Variants in SYNM observed in about 807,000 individuals in gnomAD.
The protein encoded by SYNM is synemin, also known as desmuslin.
SYNM carries 95 observed loss-of-function variants against 104.0 expected under a neutral mutation model. The observed-to-expected ratio is 0.91, with a 90% CI of 0.77 to 1.08. SYNM has a LOEUF of 1.08. SYNM is among the 50% of genes least tolerant of loss of function. The pLI is 0.00. For synonymous variants in SYNM, 918 were observed against 869.0 expected, an observed-to-expected ratio of 1.06 and a Z score of -0.99; for missense variants, 2,150 against 2,052.2, an observed-to-expected ratio of 1.05 and a Z score of -0.92.
chr15:99,134,139 G>C lies in SYNM; in HGVS notation c.*1081G>C, dbSNP rs186278843. 6.6e-6 allele frequency: 1 copy of C among 152,094 alleles called. No homozygotes were observed. Among genetic ancestry groups the C allele is most frequent in the Non-Finnish European group, 1.5e-5 (1 of 68,028 alleles). 9.4% of individuals were successfully genotyped at this position (152,094 alleles called of 1,614,324 possible). A position where few individuals can be genotyped will look rare whatever the true frequency, so the allele number is the denominator to read the frequency against. ...AATAACAACCATGAACCCACCTCAC[G>C]GAAGCTTTTTTTGCACTTTGAACAG... On this transcript the variant is annotated 3_prime_UTR_variant, in exon 4 of 4. Coordinates refer to ENST00000336292, the MANE Select transcript of SYNM (RefSeq NM_145728.3).
At chr15:99,113,383 C>T (rs1399572470) in intron 1 of SYNM, among the ~76,000 whole-genome samples, 1 of 152,142 alleles carries the variant, frequency 6.6e-6, no homozygotes, top group South Asian at 2.1e-4. Context: ...TCAAAATGTT[C>T]CACATGCAAT....
downstream of SYNM, chr15:99,139,639 A>G (rs2067990015): frequency 6.7e-7 from 1 of 1,490,064 alleles, no homozygotes; most frequent in Non-Finnish European, 9.0e-7. Flanking sequence ...TCTGTATGCA[A>G]AAAATAGATT....
chr15:99,135,828 A>G (rs1318988040), downstream of SYNM, among the ~76,000 whole-genome samples: 1 of 152,246 alleles, frequency 6.6e-6, no homozygotes, highest in Non-Finnish European at 1.5e-5. Flanking sequence ...TTGTAATCAA[A>G]TATACACTGG....
chr15:99,105,757 C>G lies in SYNM; in HGVS notation c.558C>G (p.Ser186Arg). ...PPPRLREVHD[S>R]YALLVAESWR... ...CACGCCTGCGGGAGGTGCACGACAGCTACGCACTGCTGGTGGCCGAGTCGT... is the reference window on the plus strand; with the variant it reads ...CACGCCTGCGGGAGGTGCACGACAGGTACGCACTGCTGGTGGCCGAGTCGT... The change falls in exon 1 of 4, where the codon AGC (serine) becomes AGG (arginine). Residue 186 changes from serine (S) to arginine (R), a missense_variant. Transcript: ENST00000336292. 1 of 1,538,756 alleles carries G rather than the reference C, an allele frequency of 6.5e-7. No individual in the cohort carries two copies. The highest frequency in any genetic ancestry group is 8.7e-7 in the Non-Finnish European group (1 of 1,144,066).
intron 2 of SYNM, among the ~76,000 whole-genome samples, chr15:99,122,259 A>G (rs1488440997): frequency 6.6e-6 from 1 of 152,248 alleles, no homozygotes; most frequent in African/African-American, 2.4e-5. Context: ...TCTGGTCTCC[A>G]TGTAGACTGC....
Position 99,134,099 on chromosome 15 carries a change from G to C in SYNM, c.*1041G>C, listed in dbSNP as rs1405029312. ...GATGCAGGTCTTTCTGAGCTCAAGG[G>C]TGAAAGATGAATACAATAACAACCA... On this transcript the variant is annotated 3_prime_UTR_variant, in exon 4 of 4. Coordinates refer to ENST00000336292, the MANE Select transcript of SYNM (RefSeq NM_145728.3). 5.9e-5 allele frequency: 9 copies of C among 152,164 alleles called. No homozygotes were observed. Among genetic ancestry groups the C allele is most frequent in the African/African-American group, 2.2e-4 (9 of 41,424 alleles). The allele number at this position is 152,164 out of a possible 1,614,324, so 9.4% of individuals were successfully genotyped here. A position where few individuals can be genotyped will look rare whatever the true frequency, so the allele number is the denominator to read the frequency against.
rs1596137701 is a variant in SYNM at position 99,131,923 on chromosome 15, T to C, written c.3563T>C (p.Ile1188Thr). Residue 1188 changes from isoleucine to threonine, a missense_variant, in exon 4 of 4, where the codon ATC becomes ACC. By Grantham distance (89) the Ile-to-Thr change is moderately conservative. Transcript: ENST00000336292. The surrounding 1 kb of genome is among the most constrained non-coding windows in gnomAD (Gnocchi z 4.3). ...CAAAGTCCACTGTCCAGAGAAGTCA[T>C]CTTCCTAGGCCCTGCCCCTGCCTGT... Reference protein sequence around the residue: ...PGQSPLSREVIFLGPAPACPE... With the variant: ...PGQSPLSREVTFLGPAPACPE... The C allele has an allele frequency of 6.2e-7, 1 of 1,613,858 alleles. No individual in the cohort carries two copies.
At chr15:99,136,875 C>A (rs143527356), downstream of SYNM, 3,798 of 152,402 alleles carry the variant, frequency 0.025, 116 homozygotes, top group South Asian at 0.07. Context: ...GACAATGGTC[C>A]CTGCTTCTCT....
Position 99,132,041 on chromosome 15 carries a change from A to G in SYNM, c.3681A>G (p.Gln1227=), listed in dbSNP as rs550642610. 1.7e-5 allele frequency: 28 copies of G among 1,613,800 alleles called. No homozygotes were observed. The highest frequency in any genetic ancestry group is 2.7e-5 in the African/African-American group (2 of 74,910). Residue 1227 remains glutamine (Q), a synonymous_variant, in exon 4 of 4, where the codon CAA becomes CAG. Transcript: ENST00000336292. ...GGCACAGCACATTTGGCTGCAGACA[A>G]TTTCATGCTGAAAAGGAGATTATTT... is the stretch of plus-strand genomic sequence containing the variant. ...SGRHSTFGCR[Q]FHAEKEIIFQ... is the part of the protein sequence containing the mutation.
At position 99,130,378 on chromosome 15, in the gene SYNM, G is replaced by C. The variant is rs2067489004; in HGVS notation, c.2018G>C (p.Arg673Thr). Residue 673 changes from arginine (R) to threonine (T), a missense_variant, in exon 4 of 4, where the codon AGG (arginine) becomes ACG (threonine). Arg to Thr is a moderately conservative substitution (Grantham distance 71). Coordinates refer to ENST00000336292, the MANE Select transcript of SYNM (RefSeq NM_145728.3). Reference sequence around the variant, plus strand: ...GACACAAAAGTCACTTACGTGGACAGGAAAGAGCTTCCTGGGGAAAGGAAA... The same window carrying C: ...GACACAAAAGTCACTTACGTGGACACGAAAGAGCTTCCTGGGGAAAGGAAA... ...FPDTKVTYVDRKELPGERKTK... is the reference protein window; with the variant it reads ...FPDTKVTYVDTKELPGERKTK... 1 of 1,613,732 alleles carries C rather than the reference G, an allele frequency of 6.2e-7. No individual in the cohort carries two copies. The highest frequency in any genetic ancestry group is 8.5e-7 in the Non-Finnish European group (1 of 1,179,758).
rs1225941754 is a variant in SYNM, at chr15:99,119,736, T to C, written c.935+6021T>C. Among the ~76,000 whole-genome samples, 14 of 152,306 alleles carry C rather than the reference T, an allele frequency of 9.2e-5. No homozygotes were observed. The East Asian group carries it at 2.7e-3, about 29-fold the overall frequency. Reference sequence around the variant, plus strand: ...AGCAACACAACTCATTCCTCTTAAGTCTTGTTTTGCAGAGTCATGTCAAAA... The same window carrying C: ...AGCAACACAACTCATTCCTCTTAAGCCTTGTTTTGCAGAGTCATGTCAAAA... On this transcript the variant is annotated intron_variant, in intron 2 of 3. Transcript: ENST00000336292.
chr15:99,115,246 A>G (rs2067336753), intron 2 of SYNM, among the ~76,000 whole-genome samples: 2 of 152,148 alleles, frequency 1.3e-5, no homozygotes, highest in Non-Finnish European at 2.9e-5. Flanking sequence ...CAGAAGAGTC[A>G]AAGTCTGGTC....
chr15:99,105,597 T>C lies in SYNM; in HGVS notation c.398T>C (p.Leu133Pro). 1 of 1,209,984 alleles carries C rather than the reference T, an allele frequency of 8.3e-7. No homozygotes were observed. Among genetic ancestry groups the C allele is most frequent in the African/African-American group, 1.6e-5 (1 of 61,174 alleles). The allele number at this position is 1,209,984 out of a possible 1,614,324, so 75.0% of individuals were successfully genotyped here. A position where few individuals can be genotyped will look rare whatever the true frequency, so the allele number is the denominator to read the frequency against. ...ALGARAALEA[L>P]LGRLQAERRG... The stretch of plus-strand genomic sequence containing the variant: ...GGCGCGCGCGCCGCCCTCGAGGCGC[T>C]GCTGGGCCGGCTGCAGGCCGAGCGC... The change falls in exon 1 of 4, where the codon CTG (leucine) becomes CCG (proline). Residue 133 changes from leucine (L) to proline (P), a missense_variant. Leu to Pro is a moderately conservative substitution (Grantham distance 98). Coordinates refer to ENST00000336292, the MANE Select transcript of SYNM (RefSeq NM_145728.3).
downstream of SYNM, among the ~76,000 whole-genome samples, chr15:99,136,160 T>C (rs999958958): frequency 1.3e-5 from 2 of 150,884 alleles, no homozygotes; most frequent in Non-Finnish European, 2.9e-5. Flanking sequence ...ATAGTCTTCC[T>C]CTCGTTGAAG....
In SYNM at chr15:99,133,176, TAA is replaced by T; in HGVS notation, c.*120_*121del. The T allele has an allele frequency of 6.7e-7, 1 of 1,495,106 alleles. No individual in the cohort carries two copies. Among genetic ancestry groups the T allele is most frequent in the African/African-American group, 1.4e-5 (1 of 71,288 alleles). 92.6% of individuals were successfully genotyped at this position (1,495,106 alleles called of 1,614,324 possible). ...GAAAATCTCCCCTTTTTTACTTTTTTAAAGAGTACTCCCGGCATGGTCAATTT... is the reference window on the plus strand; with the variant it reads ...GAAAATCTCCCCTTTTTTACTTTTTTAGAGTACTCCCGGCATGGTCAATTT... On this transcript the variant is annotated 3_prime_UTR_variant, in exon 4 of 4. Transcript: ENST00000336292.
At chr15:99,107,234 G>A (rs565193491) in intron 1 of SYNM, among the ~76,000 whole-genome samples, 8 of 152,334 alleles carry the variant, frequency 5.3e-5, no homozygotes, top group Non-Finnish European at 8.8e-5. Flanking sequence ...CTAGAGCAGG[G>A]ACAGGGACTG....
Position 99,105,663 on chromosome 15 carries a change from T to TGC in SYNM, c.475_476dup (p.Ala160ProfsTer114), listed in dbSNP as rs781953966. 7.2e-5 allele frequency: 100 copies of TGC among 1,394,838 alleles called. No individual in the cohort carries two copies. Among genetic ancestry groups the TGC allele is most frequent in the East Asian group, 5.2e-4 (17 of 32,416 alleles). The allele number at this position is 1,394,838 out of a possible 1,614,324, so 86.4% of individuals were successfully genotyped here. Reference sequence around the variant, plus strand: ...GCCCACGAACGCGACGTGAGGGAGCTGCGCGCGCGCGCCGCCAGCCTTACC... The same window carrying TGC: ...GCCCACGAACGCGACGTGAGGGAGCTGCGCGCGCGCGCGCCGCCAGCCTTACC... On this transcript the variant is annotated frameshift_variant, in exon 1 of 4. Transcript: ENST00000336292. LOFTEE classifies it high-confidence loss of function.
rs1202391297 is a variant in SYNM at position 99,105,110 on chromosome 15, CCGGAGCGTCGCGGCGGAGAGGA to C, written c.-87_-66del. 1.1e-5 allele frequency: 15 copies of C among 1,428,052 alleles called. No individual in the cohort carries two copies. Among genetic ancestry groups the C allele is most frequent in the Admixed American group, 6.4e-5 (3 of 47,076 alleles). The allele number at this position is 1,428,052 out of a possible 1,614,324, so 88.5% of individuals were successfully genotyped here. On this transcript the variant is annotated 5_prime_UTR_variant, in exon 1 of 4. Coordinates refer to ENST00000336292, the MANE Select transcript of SYNM (RefSeq NM_145728.3). ...GCGGGCCTCCGGGGCAGCGGCGAGG[CCGGAGCGTCGCGGCGGAGAGGA>C]CGAGACCGGGACAAGACCAGGGCAG...
chr15:99,127,667 A>G lies in SYNM; in HGVS notation c.1006+875A>G, dbSNP rs150794043. On this transcript the variant is annotated intron_variant, in intron 3 of 3. Coordinates refer to ENST00000336292, the MANE Select transcript of SYNM (RefSeq NM_145728.3). ...CAACATGCAGCAAATTTTCTTTCTA[A>G]TTTTGAGAGTAAGTTTGAAAAAAGC... Among the ~76,000 whole-genome samples the G allele has an allele frequency of 8.1e-4, 124 of 152,326 alleles. 1 individual carries two copies. Among genetic ancestry groups the G allele is most frequent in the African/African-American group, 2.8e-3 (115 of 41,574 alleles).
Sources: allele counts gnomAD v4.1 joint callset (sites outside exome capture counted in the v4.1 genomes callset), GRCh38; gene constraint gnomAD v4.1.1; non-coding constraint Gnocchi (gnomAD v3.1); transcripts MANE v1.5; gene names NCBI Gene and HGNC (gene_info 2026-07-23, HGNC 2026-07-21).